The following PIM3 variants were observed in gnomAD, a reference collection of about 807,000 sequenced individuals.
PIM3 encodes the protein Pim-3 proto-oncogene, serine/threonine kinase, also known as serine/threonine-protein kinase pim-3.
Under a neutral mutation model 27.5 loss-of-function variants are expected in PIM3, and 13 were observed. The observed-to-expected ratio is 0.47, with a 90% CI of 0.31 to 0.75. PIM3 has a LOEUF of 0.75. Ranked by LOEUF, PIM3 falls within the 30% of genes least tolerant of loss-of-function variation. The probability of loss-of-function intolerance (pLI) is 0.05; values close to 1 mark genes in which losing one functional copy is unlikely to be tolerated. For synonymous variants in PIM3, 341 were observed against 221.1 expected (o/e 1.54, Z -4.81); for missense variants, 482 against 476.9 (o/e 1.01, Z -0.10).
Position 49,961,562 on chromosome 22 carries a change from C to T in PIM3, c.367C>T (p.Leu123=), listed in dbSNP as rs1399065401. The part of the protein sequence containing the change: ...FERPDGFLLV[L]ERPEPAQDLF... ...GCGGCCCGACGGCTTCCTGCTGGTG[C>T]TGGAGCGGCCCGAGCCGGCGCAGGA... Residue 123 remains leucine (L), a synonymous_variant, in exon 4 of 6, where the codon CTG becomes TTG. Transcript: ENST00000360612. The T allele has an allele frequency of 1.9e-6, 3 of 1,546,246 alleles. No individual in the cohort carries two copies. The highest frequency in any genetic ancestry group is 2.6e-6 in the Non-Finnish European group (3 of 1,146,348).
rs781336019 is a variant in PIM3 at position 49,960,980 on chromosome 22, C to T, written c.33C>T (p.His11=). ...TCTCCAAGTTCGGCTCCCTGGCGCA[C>T]CTCTGCGGGCCCGGCGGCGTGGACC... MLLSKFGSLA[H]LCGPGGVDHL... is the part of the protein sequence containing the mutation. The change falls in exon 1 of 6, where the codon CAC becomes CAT. Residue 11 remains histidine, a synonymous_variant. Transcript: ENST00000360612. 121 of 1,393,486 alleles carry T rather than the reference C, an allele frequency of 8.7e-5. No homozygotes were observed. In the African/African-American group the frequency reaches 1.3e-3, roughly 15 times the overall value. The allele number at this position is 1,393,486 out of a possible 1,614,324, so 86.3% of individuals were successfully genotyped here. A position where few individuals can be genotyped will look rare whatever the true frequency, so the allele number is the denominator to read the frequency against.
In PIM3 at chr22:49,963,216, G is replaced by A. The variant is rs191945241; in HGVS notation, c.*89G>A. The A allele has an allele frequency of 1.5e-4, 200 of 1,371,002 alleles. No individual in the cohort carries two copies. The African/African-American group carries it at 2.6e-3, about 18-fold the overall frequency. 84.9% of individuals were successfully genotyped at this position (1,371,002 alleles called of 1,614,324 possible). ...ACCCTGACTTTCTCCTGCGTGGGCC[G>A]TCTCCTCCTGCGGAAGCAGTGACCT... is the stretch of plus-strand genomic sequence containing the variant. On this transcript the variant is annotated 3_prime_UTR_variant, in exon 6 of 6. Coordinates refer to ENST00000360612, the MANE Select transcript of PIM3 (RefSeq NM_001001852.4).
Position 49,963,344 on chromosome 22 carries a change from C to T in PIM3, c.*217C>T, listed in dbSNP as rs1387795233. 3.6e-6 allele frequency: 2 copies of T among 549,510 alleles called. No individual in the cohort carries two copies. Among genetic ancestry groups the T allele is most frequent in the South Asian group, 2.5e-5 (1 of 40,482 alleles). 34.0% of individuals were successfully genotyped at this position (549,510 alleles called of 1,614,324 possible). Reference sequence around the variant, plus strand: ...GTCCAAAGACGCTCCGGTCGAGGTCCCGCCTGCCCTGGGTGGATACTTGAA... The same window carrying T: ...GTCCAAAGACGCTCCGGTCGAGGTCTCGCCTGCCCTGGGTGGATACTTGAA... On this transcript the variant is annotated 3_prime_UTR_variant, in exon 6 of 6. Coordinates refer to ENST00000360612, the MANE Select transcript of PIM3 (RefSeq NM_001001852.4).
At position 49,961,386 on chromosome 22, in the gene PIM3, C is replaced by A. The variant is rs1191018717; in HGVS notation, c.246+18C>A. 7.2e-7 allele frequency: 1 copy of A among 1,392,248 alleles called. No homozygotes were observed. Among genetic ancestry groups the A allele is most frequent in the Non-Finnish European group, 9.3e-7 (1 of 1,069,942 alleles). The allele number at this position is 1,392,248 out of a possible 1,614,324, so 86.2% of individuals were successfully genotyped here. A position where few individuals can be genotyped will look rare whatever the true frequency, so the allele number is the denominator to read the frequency against. ...GCAGCCTGGTAAGTTGGGGCACGGGCGGCGGCGGCGGCGGGGGGCGGGCGC... is the reference window on the plus strand; with the variant it reads ...GCAGCCTGGTAAGTTGGGGCACGGGAGGCGGCGGCGGCGGGGGGCGGGCGC... On this transcript the variant is annotated intron_variant, in intron 3 of 5. Coordinates refer to ENST00000360612, the MANE Select transcript of PIM3 (RefSeq NM_001001852.4).
At position 49,961,311 on chromosome 22, in the gene PIM3, T is replaced by G. The variant is rs527758642; in HGVS notation, c.196-7T>G. On this transcript the variant is annotated splice_region_variant and splice_polypyrimidine_tract_variant and intron_variant, in intron 2 of 5. Coordinates refer to ENST00000360612, the MANE Select transcript of PIM3 (RefSeq NM_001001852.4). ...CTTGGCCCGGCCTGACCCCCGCGTC[T>G]CCGCAGGTGGCTGTGAAGCACGTGG... 1 of 1,545,006 alleles carries G rather than the reference T, an allele frequency of 6.5e-7. No individual in the cohort carries two copies. Among genetic ancestry groups the G allele is most frequent in the African/African-American group, 1.4e-5 (1 of 69,718 alleles).
chr22:49,962,984 G>A lies in PIM3; in HGVS notation c.838G>A (p.Glu280Lys). 6.2e-7 allele frequency: 1 copy of A among 1,610,598 alleles called. No individual in the cohort carries two copies. The highest frequency in any genetic ancestry group is 8.5e-7 in the Non-Finnish European group (1 of 1,179,742). Residue 280 changes from glutamate (E) to lysine (K), a missense_variant, in exon 6 of 6, where the codon GAG becomes AAG. Glu to Lys is a moderately conservative substitution (Grantham distance 56, BLOSUM62 1). Transcript: ENST00000360612. ...GTGGTGCCTGTCCCTGCGGCCCTCA[G>A]AGCGGCCGTCGCTGGATCAGATTGC... ...IRWCLSLRPS[E>K]RPSLDQIAAH...
intron 4 of PIM3, among the ~76,000 whole-genome samples, chr22:49,962,395 C>T (rs1247630121): frequency 1.4e-5 from 2 of 145,296 alleles, no homozygotes; most frequent in Non-Finnish European, 3.0e-5. Context: ...GGTAAGGGAC[C>T]CGCGCTGTCC....
Position 49,963,369 on chromosome 22 carries a change from A to T in PIM3, c.*242A>T. 1 of 465,762 alleles carries T rather than the reference A, an allele frequency of 2.1e-6. No individual in the cohort carries two copies. Among genetic ancestry groups the T allele is most frequent in the South Asian group, 3.0e-5 (1 of 33,804 alleles). 28.9% of individuals were successfully genotyped at this position (465,762 alleles called of 1,614,324 possible). On this transcript the variant is annotated 3_prime_UTR_variant, in exon 6 of 6. Transcript: ENST00000360612. ...CCGCCTGCCCTGGGTGGATACTTGA[A>T]CCCCAGACGCCCCTCTGTGCTGCTG...
Position 49,960,946 on chromosome 22 carries a change from C to T in PIM3, c.-2C>T. ...GGGGCTCCGGGGAGGCCGTCGCCCGCGATGCTGCTCTCCAAGTTCGGCTCC... is the reference window on the plus strand; with the variant it reads ...GGGGCTCCGGGGAGGCCGTCGCCCGTGATGCTGCTCTCCAAGTTCGGCTCC... On this transcript the variant is annotated 5_prime_UTR_variant, in exon 1 of 6. Coordinates refer to ENST00000360612, the MANE Select transcript of PIM3 (RefSeq NM_001001852.4). The T allele has an allele frequency of 2.2e-6, 3 of 1,335,790 alleles. No homozygotes were observed. Among genetic ancestry groups the T allele is most frequent in the South Asian group, 3.3e-5 (2 of 61,064 alleles). The allele number at this position is 1,335,790 out of a possible 1,614,324, so 82.7% of individuals were successfully genotyped here.
In PIM3 at chr22:49,962,833, G is replaced by A. The variant is rs1177928054; in HGVS notation, c.761G>A (p.Gly254Asp). 2 of 1,611,186 alleles carry A rather than the reference G, an allele frequency of 1.2e-6. No individual in the cohort carries two copies. Among genetic ancestry groups the A allele is most frequent in the Non-Finnish European group, 8.5e-7 (1 of 1,179,840 alleles). The change falls in exon 5 of 6, where the codon GGC becomes GAC. Residue 254 changes from glycine to aspartate, a missense_variant. Physicochemically the swap from Gly to Asp is moderately conservative, Grantham distance 94 (BLOSUM62 -1). Transcript: ENST00000360612. ...PFEQDEEILR[G>D]RLLFRRRVSP... ...GAGCAGGACGAGGAGATCCTCCGAG[G>A]CCGCCTGCTCTTCCGGAGGAGGGTC... is the stretch of plus-strand genomic sequence containing the variant.
Position 49,960,845 on chromosome 22 carries a change from C to A in PIM3, c.-103C>A. ...TCCGGGCCCACTGCGCCGCGCGGAC[C>A]GCCTCGGGCTCGGACGGCCGGTGTC... On this transcript the variant is annotated 5_prime_UTR_variant, in exon 1 of 6. Transcript: ENST00000360612. 3.5e-6 allele frequency: 3 copies of A among 855,332 alleles called. No individual in the cohort carries two copies. Among genetic ancestry groups the A allele is most frequent in the East Asian group, 1.4e-4 (2 of 13,968 alleles). The allele number at this position is 855,332 out of a possible 1,614,324, so 53.0% of individuals were successfully genotyped here.
rs1449342989 is a variant in PIM3 at position 49,964,069 on chromosome 22, C to T, written c.*942C>T. On this transcript the variant is annotated 3_prime_UTR_variant, in exon 6 of 6. Coordinates refer to ENST00000360612, the MANE Select transcript of PIM3 (RefSeq NM_001001852.4). ...GTATTTCAATTAAAATGTTTTTGTA[C>T]ATAGTGGATAATCCTGTATTTATGG... is the stretch of plus-strand genomic sequence containing the variant. 2.6e-5 allele frequency: 4 copies of T among 152,314 alleles called. No homozygotes were observed. The highest frequency in any genetic ancestry group is 1.5e-5 in the Non-Finnish European group (1 of 68,038). 9.4% of individuals were successfully genotyped at this position (152,314 alleles called of 1,614,324 possible).
In PIM3 at chr22:49,961,637, C is replaced by T. The variant is rs1425969239; in HGVS notation, c.442C>T (p.Arg148Cys). 2.6e-6 allele frequency: 4 copies of T among 1,561,910 alleles called. No homozygotes were observed. Among genetic ancestry groups the T allele is most frequent in the Admixed American group, 1.9e-5 (1 of 52,244 alleles). The change falls in exon 4 of 6, where the codon CGC (arginine) becomes TGC (cysteine). Residue 148 changes from arginine to cysteine, a missense_variant. By Grantham distance (180) the Arg-to-Cys change is radical (BLOSUM62 -3). Transcript: ENST00000360612. ...ERGALDEPLA[R>C]RFFAQVLAAV... Reference sequence around the variant, plus strand: ...CGGCGCCCTGGACGAGCCGCTGGCGCGCCGCTTCTTCGCGCAGGTGCTGGC... The same window carrying T: ...CGGCGCCCTGGACGAGCCGCTGGCGTGCCGCTTCTTCGCGCAGGTGCTGGC...
rs1410466720 is a variant in PIM3 at position 49,963,307 on chromosome 22, C to T, written c.*180C>T. 1.3e-5 allele frequency: 9 copies of T among 682,656 alleles called. No individual in the cohort carries two copies. The highest frequency in any genetic ancestry group is 1.9e-5 in the Non-Finnish European group (8 of 427,290). The allele number at this position is 682,656 out of a possible 1,614,324, so 42.3% of individuals were successfully genotyped here. ...CTGGTCCCGCGGGACTTGGTTTTCTCAAGCTCTGTCTGTCCAAAGACGCTC... is the reference window on the plus strand; with the variant it reads ...CTGGTCCCGCGGGACTTGGTTTTCTTAAGCTCTGTCTGTCCAAAGACGCTC... On this transcript the variant is annotated 3_prime_UTR_variant, in exon 6 of 6. Transcript: ENST00000360612.
In PIM3 at chr22:49,963,372, C is replaced by T; in HGVS notation, c.*245C>T. ...CCTGCCCTGGGTGGATACTTGAACC[C>T]CAGACGCCCCTCTGTGCTGCTGTGT... On this transcript the variant is annotated 3_prime_UTR_variant, in exon 6 of 6. Transcript: ENST00000360612. 2.1e-6 allele frequency: 1 copy of T among 478,514 alleles called. No individual in the cohort carries two copies. Among genetic ancestry groups the T allele is most frequent in the Non-Finnish European group, 3.7e-6 (1 of 268,260 alleles). 29.6% of individuals were successfully genotyped at this position (478,514 alleles called of 1,614,324 possible). A position where few individuals can be genotyped will look rare whatever the true frequency, so the allele number is the denominator to read the frequency against.
intron 2 of PIM3, 28 bp downstream of exon 2, chr22:49,961,262 G>T: frequency 1.3e-6 from 2 of 1,538,776 alleles, no homozygotes; most frequent in Non-Finnish European, 8.7e-7. Flanking sequence ...GCGGGCCCGG[G>T]TTTCTCGCGC....
At position 49,960,792 on chromosome 22, in the gene PIM3, TGC is replaced by T. The variant is rs2060901494; in HGVS notation, c.-152_-151del. 2 of 297,780 alleles carry T rather than the reference TGC, an allele frequency of 6.7e-6. No individual in the cohort carries two copies. Among genetic ancestry groups the T allele is most frequent in the Non-Finnish European group, 1.0e-5 (2 of 194,686 alleles). 18.4% of individuals were successfully genotyped at this position (297,780 alleles called of 1,614,324 possible). A position where few individuals can be genotyped will look rare whatever the true frequency, so the allele number is the denominator to read the frequency against. On this transcript the variant is annotated 5_prime_UTR_variant, in exon 1 of 6. Transcript: ENST00000360612. ...GGGGCGGGTGAGGCGCTCCGCCTGC[TGC>T]GCGTCTACGCGGTCCCCGCGGGCCT...
chr22:49,963,018 C>T lies in PIM3; in HGVS notation c.872C>T (p.Pro291Leu). ...RPSLDQIAAH[P>L]WMLGADGGVP... ...TCGCTGGATCAGATTGCGGCCCATCCCTGGATGCTGGGGGCTGACGGGGGC... is the reference window on the plus strand; with the variant it reads ...TCGCTGGATCAGATTGCGGCCCATCTCTGGATGCTGGGGGCTGACGGGGGC... Residue 291 changes from proline (P) to leucine (L), a missense_variant, in exon 6 of 6, where the codon CCC becomes CTC. Pro to Leu is a moderately conservative substitution (Grantham distance 98, BLOSUM62 -3). Coordinates refer to ENST00000360612, the MANE Select transcript of PIM3 (RefSeq NM_001001852.4). The T allele has an allele frequency of 6.2e-7, 1 of 1,612,182 alleles. No individual in the cohort carries two copies. Among genetic ancestry groups the T allele is most frequent in the African/African-American group, 1.3e-5 (1 of 75,050 alleles).
chr22:49,963,677 C>T lies in PIM3; in HGVS notation c.*550C>T, dbSNP rs1201230972. The T allele has an allele frequency of 3.3e-5, 5 of 152,642 alleles. No homozygotes were observed. Among genetic ancestry groups the T allele is most frequent in the Non-Finnish European group, 7.3e-5 (5 of 68,118 alleles). The allele number at this position is 152,642 out of a possible 1,614,324, so 9.5% of individuals were successfully genotyped here. A position where few individuals can be genotyped will look rare whatever the true frequency, so the allele number is the denominator to read the frequency against. ...TATTTCCTCTGAGCAGTCTGCCTCT[C>T]CCAAGCCCCAGGGGACAGTGGGGAG... is the stretch of plus-strand genomic sequence containing the variant. On this transcript the variant is annotated 3_prime_UTR_variant, in exon 6 of 6. Transcript: ENST00000360612.
Sources: allele counts gnomAD v4.1 joint callset (sites outside exome capture counted in the v4.1 genomes callset), GRCh38; gene constraint gnomAD v4.1.1; transcripts MANE v1.5; gene names NCBI Gene and HGNC (gene_info 2026-07-23, HGNC 2026-07-21).